Variants in VTI1A observed in about 807,000 individuals in gnomAD.
The protein encoded by VTI1A is vesicle transport through interaction with t-SNAREs 1A, also known as vesicle transport through interaction with t-SNAREs homolog 1A.
In VTI1A, 22 loss-of-function variants were observed where a neutral mutation model predicts 34.9. That is an observed-to-expected ratio of 0.63 (90% CI 0.45 to 0.90). The LOEUF (loss-of-function observed/expected upper bound fraction) is 0.90. VTI1A is among the 40% of genes least tolerant of loss of function. The pLI, the probability that VTI1A is intolerant of heterozygous loss-of-function variation, is 0.00. For missense variants in VTI1A, 268 were observed against 275.6 expected, an observed-to-expected ratio of 0.97 and a Z score of 0.20; for synonymous variants, 87 against 97.3, an observed-to-expected ratio of 0.89 and a Z score of 0.62.
At chr10:112,517,370 G>A (rs1849816585) in intron 3 of VTI1A, among the ~76,000 whole-genome samples, 1 of 151,978 alleles carries the variant, frequency 6.6e-6, no homozygotes, top group Non-Finnish European at 1.5e-5. Context: ...ATAATAAATA[G>A]CCATGATGCC....
intron 7 of VTI1A, among the ~76,000 whole-genome samples, chr10:112,738,526 T>A (rs141137709): frequency 2.0e-3 from 307 of 152,206 alleles, no homozygotes; most frequent in Non-Finnish European, 3.7e-3. Context: ...AATTGGAAAA[T>A]AAATGACTGG....
Position 112,696,923 on chromosome 10 carries a change from T to G in VTI1A, c.560+27925T>G, listed in dbSNP as rs576644781. ...TACAAAGGTGGCTGGCAGAAAACAC[T>G]AGCTTTAATTGTGTGTTTTCCTCTT... is the stretch of plus-strand genomic sequence containing the variant. On this transcript the variant is annotated intron_variant, in intron 7 of 7. Coordinates refer to ENST00000393077, the MANE Select transcript of VTI1A (RefSeq NM_145206.4). Among the ~76,000 whole-genome samples, 68 of 152,334 alleles carry G rather than the reference T, an allele frequency of 4.5e-4. 1 individual carries two copies. Among genetic ancestry groups the G allele is most frequent in the Admixed American group, 1.2e-3 (19 of 15,304 alleles).
At chr10:112,493,224 GT>G (rs1322389205) in intron 3 of VTI1A, among the ~76,000 whole-genome samples, 4 of 151,836 alleles carry the variant, frequency 2.6e-5, no homozygotes, top group African/African-American at 9.7e-5. Flanking sequence ...CTCTTTAATT[GT>G]GTCGTGAATT....
At chr10:112,821,731 A>C (rs12359794), downstream of VTI1A, among the ~76,000 whole-genome samples, 1 of 152,060 alleles carries the variant, frequency 6.6e-6, no homozygotes, top group Non-Finnish European at 1.5e-5. Flanking sequence ...CACCTCCTTG[A>C]GGGATGGGGA....
At chr10:112,548,701 G>T in intron 5 of VTI1A, 2 of 1,294,864 alleles carry the variant, frequency 1.5e-6, no homozygotes, top group Non-Finnish European at 2.2e-6. Context: ...CCACTGCTTT[G>T]ATGACACCCA....
At chr10:112,487,457 A>G (rs1031874385) in intron 3 of VTI1A, among the ~76,000 whole-genome samples, 1 of 152,208 alleles carries the variant, frequency 6.6e-6, no homozygotes, top group African/African-American at 2.4e-5. Flanking sequence ...TGCAAGGTTT[A>G]TCATTGGCAA....
intron 7 of VTI1A, among the ~76,000 whole-genome samples, chr10:112,717,607 C>G (rs1849656451): frequency 6.6e-6 from 1 of 152,162 alleles, no homozygotes; most frequent in South Asian, 2.1e-4. Flanking sequence ...TACGGTATGG[C>G]AGCCTCAGAC....
chr10:112,615,800 C>T (rs1348434775), intron 5 of VTI1A, among the ~76,000 whole-genome samples: 1 of 152,036 alleles, frequency 6.6e-6, no homozygotes, highest in Non-Finnish European at 1.5e-5. Context: ...GCCCACTAAG[C>T]AGAAGAAAGA....
In VTI1A at chr10:112,490,611, A is replaced by ATTT. The variant is rs10694500; in HGVS notation, c.264+25969_264+25971dup. On this transcript the variant is annotated intron_variant, in intron 3 of 7. Coordinates refer to ENST00000393077, the MANE Select transcript of VTI1A (RefSeq NM_145206.4). ...CTATAGTCCTTGGGGAGATGCTACA[A>ATTT]TTTTTTTTTTTTTTTTTAAACTAAG... Among the ~76,000 whole-genome samples, 1,153 of 143,258 alleles carry ATTT rather than the reference A, an allele frequency of 8.0e-3. 9 individuals are homozygous for ATTT. The highest frequency in any genetic ancestry group is 0.011 in the Non-Finnish European group (742 of 65,486). The allele number at this position is 143,258 out of a possible 152,430, so 94.0% of individuals were successfully genotyped here.
intron 7 of VTI1A, among the ~76,000 whole-genome samples, chr10:112,711,627 G>T (rs1293689829): frequency 6.6e-6 from 1 of 152,170 alleles, no homozygotes; most frequent in Non-Finnish European, 1.5e-5. Flanking sequence ...TTCAAGACCG[G>T]TGACTTCCCA....
At chr10:112,774,728 T>G (rs1294721797) in intron 7 of VTI1A, among the ~76,000 whole-genome samples, 6 of 152,116 alleles carry the variant, frequency 3.9e-5, no homozygotes, top group African/African-American at 1.4e-4. Flanking sequence ...CTTGAGTCAA[T>G]TAACTCTTAT....
At chr10:112,618,883 T>A (rs1336954367) in intron 5 of VTI1A, among the ~76,000 whole-genome samples, 1 of 152,004 alleles carries the variant, frequency 6.6e-6, no homozygotes, top group African/African-American at 2.4e-5. Context: ...GAGGTGAGGT[T>A]GGAAGGATAG....
chr10:112,565,068 G>T (rs1033568109), intron 5 of VTI1A, among the ~76,000 whole-genome samples: 14 of 152,214 alleles, frequency 9.2e-5, no homozygotes, highest in Admixed American at 8.5e-4. Context: ...AGTATTGAAG[G>T]AGATTTATGG....
chr10:112,665,483 G>A (rs1040565211), intron 5 of VTI1A, among the ~76,000 whole-genome samples: 4 of 152,144 alleles, frequency 2.6e-5, no homozygotes, highest in Admixed American at 6.6e-5. Flanking sequence ...TGGGTGTTAC[G>A]ACCGGGATGC....
chr10:112,811,629 A>G (rs1853305563), intron 7 of VTI1A, among the ~76,000 whole-genome samples: 1 of 136,202 alleles, frequency 7.3e-6, no homozygotes, highest in African/African-American at 2.7e-5. Context: ...GCTTGCAGTG[A>G]GCCGAGATTG....
At chr10:112,509,671 C>T (rs1375044618) in intron 3 of VTI1A, among the ~76,000 whole-genome samples, 1 of 152,126 alleles carries the variant, frequency 6.6e-6, no homozygotes, top group African/African-American at 2.4e-5. Flanking sequence ...GAAGAAAAGT[C>T]CTGGGATCAT....
intron 5 of VTI1A, among the ~76,000 whole-genome samples, chr10:112,568,354 A>G (rs57214646): frequency 2.3e-3 from 348 of 152,182 alleles, no homozygotes; most frequent in African/African-American, 7.7e-3. Context: ...TAAAAATACA[A>G]AAATTAGCTG....
intron 7 of VTI1A, among the ~76,000 whole-genome samples, chr10:112,697,866 ATG>A (rs67142519): frequency 0.086 from 11,550 of 134,628 alleles, 492 homozygotes; most frequent in Middle Eastern, 0.12. Flanking sequence ...TAGCATTTAC[ATG>A]TGTGTGTGTG....
chr10:112,783,346 C>T (rs560984741), intron 7 of VTI1A, among the ~76,000 whole-genome samples: 1 of 151,502 alleles, frequency 6.6e-6, no homozygotes, highest in South Asian at 2.1e-4. Context: ...ATTTAAACCA[C>T]AGCTGTTCAA....
Sources: gnomAD v4.1 joint callset for allele counts (sites outside exome capture counted in the v4.1 genomes callset) on GRCh38, gnomAD v4.1.1 for gene constraint, MANE v1.5 for transcripts, NCBI Gene and HGNC (gene_info 2026-07-23, HGNC 2026-07-21) for gene names.